Variants in IKZF2 observed in about 807,000 individuals in gnomAD.
IKZF2 encodes IKAROS family zinc finger 2.
IKZF2 carries 15 observed loss-of-function variants against 49.2 expected under a neutral mutation model. The ratio of observed to expected loss-of-function variants is 0.30; its 90% CI spans 0.20 to 0.47. The LOEUF (loss-of-function observed/expected upper bound fraction) is 0.47. Ranked by LOEUF, IKZF2 falls within the 20% of genes least tolerant of loss-of-function variation. The probability of loss-of-function intolerance (pLI) is 1.00; values close to 1 mark genes in which losing one functional copy is unlikely to be tolerated. For missense variants in IKZF2, 567 were observed against 664.6 expected, an observed-to-expected ratio of 0.85 and a Z score of 1.61; for synonymous variants, 227 against 221.4, an observed-to-expected ratio of 1.03 and a Z score of -0.23.
intron 6 of IKZF2, among the ~76,000 whole-genome samples, chr2:213,047,567 G>C (rs1386008854): frequency 1.3e-5 from 2 of 152,056 alleles, no homozygotes; most frequent in African/African-American, 4.8e-5. Flanking sequence ...GTTCCCAAAA[G>C]AAGAATGTTT....
At chr2:213,150,472 C>CTCCTCT (rs1553605955) in intron 1 of IKZF2, 1 of 271,710 alleles carries the variant, frequency 3.7e-6, no homozygotes, top group Non-Finnish European at 7.3e-6. Flanking sequence ...CCTCCTCCTC[C>CTCCTCT]TCCTCGTCCT....
chr2:213,022,161 T>A (rs1697299249), intron 6 of IKZF2, 31 bp from the exon 7 acceptor site: 1 of 1,542,034 alleles, frequency 6.5e-7, no homozygotes, highest in Admixed American at 2.0e-5. Flanking sequence ...CAGTGTGCTG[T>A]TAGTCTCATC....
chr2:213,100,663 C>A (rs1319151295), intron 4 of IKZF2, among the ~76,000 whole-genome samples: 1 of 151,872 alleles, frequency 6.6e-6, no homozygotes, highest in East Asian at 1.9e-4. Context: ...ATAAGAGTAA[C>A]CTTACAGGTT....
Position 213,029,894 on chromosome 2 carries a change from G to C in IKZF2, c.575-7764C>G, listed in dbSNP as rs996937066. On this transcript the variant is annotated intron_variant, in intron 6 of 8. Coordinates refer to ENST00000434687, the MANE Select transcript of IKZF2 (RefSeq NM_001387220.1). ...AGAAAGTTTGGGAAACACTGAGCTA[G>C]GTAATAAAATGTAATTTGTATTTCT... 3.3e-5 allele frequency among the ~76,000 whole-genome samples: 5 copies of C among 151,972 alleles called. No homozygotes were observed. The East Asian group carries it at 9.6e-4, about 29-fold the overall frequency.
At chr2:213,136,136 G>A (rs150078810) in intron 4 of IKZF2, among the ~76,000 whole-genome samples, 1 of 151,702 alleles carries the variant, frequency 6.6e-6, no homozygotes, top group African/African-American at 2.4e-5. Flanking sequence ...TTGGGAGGCT[G>A]AGGCAGGTGG....
rs1696266944 is a variant in IKZF2 at position 213,013,926 on chromosome 2, T to A, written c.721A>T (p.Met241Leu). 1 of 1,611,104 alleles carries A rather than the reference T, an allele frequency of 6.2e-7. No individual in the cohort carries two copies. The highest frequency in any genetic ancestry group is 8.5e-7 in the Non-Finnish European group (1 of 1,177,806). The change falls in exon 8 of 9, where the codon ATG becomes TTG. Residue 241 changes from methionine (M) to leucine (L), a missense_variant. This residue lies in a region of IKZF2 where 310 missense variants were observed against 326.9 expected (regional missense o/e 0.95). Coordinates refer to ENST00000434687, the MANE Select transcript of IKZF2 (RefSeq NM_001387220.1). ...GQVMSHHVPP[M>L]EDCKEQEPIM... is the part of the protein sequence containing the mutation. ...GGCTCTTGTTCCTTACAATCTTCCA[T>A]AGGAGGTACTATACAAAACCATAGA...
At chr2:213,044,863 A>G (rs970474000) in intron 6 of IKZF2, among the ~76,000 whole-genome samples, 3 of 152,234 alleles carry the variant, frequency 2.0e-5, no homozygotes, top group African/African-American at 7.2e-5. Flanking sequence ...GACAATACTA[A>G]GACCATTAGT....
intron 5 of IKZF2, 110 bp downstream of exon 5, chr2:213,056,723 G>A: frequency 7.7e-7 from 1 of 1,294,440 alleles, no homozygotes; most frequent in East Asian, 2.4e-5. Context: ...TTCTGAAAAG[G>A]TAGTTTTCAC....
chr2:213,097,344 T>C (rs1216488837), intron 4 of IKZF2, among the ~76,000 whole-genome samples: 1 of 151,852 alleles, frequency 6.6e-6, no homozygotes, highest in Non-Finnish European at 1.5e-5. Flanking sequence ...AATTGAAAAA[T>C]AAAATAAAAA....
At chr2:213,047,192 G>T (rs1574619568) in intron 6 of IKZF2, among the ~76,000 whole-genome samples, 3 of 152,162 alleles carry the variant, frequency 2.0e-5, no homozygotes, top group Non-Finnish European at 1.5e-5. Flanking sequence ...TGTATTCCTT[G>T]CTATACTGCC....
intron 7 of IKZF2, 37 bp downstream of exon 7, chr2:213,021,956 G>C: frequency 6.3e-7 from 1 of 1,581,896 alleles, no homozygotes; most frequent in Non-Finnish European, 8.6e-7. Context: ...AAAAGCAGTA[G>C]GGGGAAATAA....
intron 4 of IKZF2, among the ~76,000 whole-genome samples, chr2:213,142,282 T>C (rs73987814): frequency 0.022 from 3,290 of 151,968 alleles, 106 homozygotes; most frequent in African/African-American, 0.074. Context: ...AACCAAAATC[T>C]TCATAGATGC....
chr2:213,084,024 C>G (rs953420142), intron 4 of IKZF2, among the ~76,000 whole-genome samples: 2 of 151,988 alleles, frequency 1.3e-5, no homozygotes, highest in Non-Finnish European at 2.9e-5. Context: ...TACTTGGTGC[C>G]AAAAAGGTTG....
intron 4 of IKZF2, among the ~76,000 whole-genome samples, chr2:213,134,508 G>A (rs1281361834): frequency 2.0e-5 from 3 of 152,208 alleles, no homozygotes; most frequent in African/African-American, 7.2e-5. Flanking sequence ...GATGGCCACT[G>A]ATAATAGCAC....
At chr2:213,117,289 A>G (rs1011133398) in intron 4 of IKZF2, among the ~76,000 whole-genome samples, 3 of 152,160 alleles carry the variant, frequency 2.0e-5, no homozygotes, top group African/African-American at 7.2e-5. Flanking sequence ...TGGAACACTT[A>G]TTATATGCTC....
chr2:213,008,830 G>A (rs1695631607), intron 8 of IKZF2, among the ~76,000 whole-genome samples: 1 of 152,004 alleles, frequency 6.6e-6, no homozygotes, highest in South Asian at 2.1e-4. Flanking sequence ...GCACCTCACT[G>A]TTGTGTAGGG....
At chr2:213,032,362 T>C (rs1321418529) in intron 6 of IKZF2, among the ~76,000 whole-genome samples, 1 of 152,216 alleles carries the variant, frequency 6.6e-6, no homozygotes, top group Non-Finnish European at 1.5e-5. Flanking sequence ...TATCATACCA[T>C]AATCTATTAA....
intron 4 of IKZF2, among the ~76,000 whole-genome samples, chr2:213,127,175 T>G (rs1267404388): frequency 6.6e-6 from 1 of 152,222 alleles, no homozygotes; most frequent in African/African-American, 2.4e-5. Flanking sequence ...TTTCTTATTA[T>G]TCATTAGCTA....
intron 6 of IKZF2, among the ~76,000 whole-genome samples, chr2:213,043,669 C>T (rs1699876333): frequency 1.3e-5 from 2 of 152,184 alleles, no homozygotes; most frequent in Non-Finnish European, 2.9e-5. Flanking sequence ...GATCATCAGG[C>T]ATTAGATTCT....
Sources: gnomAD v4.1 joint callset for allele counts (sites outside exome capture counted in the v4.1 genomes callset) on GRCh38, gnomAD v4.1.1 for gene constraint, gnomAD v4.1.1 regional missense constraint, MANE v1.5 for transcripts, NCBI Gene and HGNC (gene_info 2026-07-23, HGNC 2026-07-21) for gene names.